Variants in PDZD4 observed in about 807,000 individuals in gnomAD.
PDZD4 encodes the protein PDZ domain containing 4.
A neutral mutation model predicts 38.5 loss-of-function variants in PDZD4; 9 were observed. That is an observed-to-expected ratio of 0.23 (90% CI 0.14 to 0.41). The LOEUF (loss-of-function observed/expected upper bound fraction) is 0.41, where lower values mean the gene tolerates loss of function less well. Ranked by LOEUF, PDZD4 falls within the 10% of genes least tolerant of loss-of-function variation. The pLI is 1.00. For missense variants in PDZD4, 612 were observed against 722.0 expected (o/e 0.85, Z 1.75); for synonymous variants, 349 against 315.7 (o/e 1.11, Z -1.12).
rs2064239772 is a variant in PDZD4, at chrX:153,805,601, G to A, written c.573C>T (p.Asn191=). Residue 191 remains asparagine (N), a synonymous_variant, in exon 6 of 8, where the codon AAC becomes AAT. Coordinates refer to ENST00000393758, the MANE Select transcript of PDZD4 (RefSeq NM_001303512.2). ...IREGDRIIQI[N]GVDVQNREEA... ...CTTCCCGGTTCTGGACGTCTACACC[G>A]TTAATCTGAGGCAGGCAGGATACAA... 7 of 1,203,082 alleles carry A rather than the reference G, an allele frequency of 5.8e-6. No homozygotes were observed. Among genetic ancestry groups the A allele is most frequent in the Admixed American group, 2.2e-5 (1 of 46,111 alleles).
chrX:153,822,663 CTCTCTT>C (rs1343693369), intron 1 of PDZD4, among the ~76,000 whole-genome samples: 3 of 107,994 alleles, frequency 2.8e-5, no homozygotes, highest in African/African-American at 1.0e-4. Flanking sequence ...CTCTCTCTCT[CTCTCTT>C]TCTCTCTGTC....
rs1557077761 is a variant in PDZD4, at chrX:153,808,142, G to A, written c.314+200C>T. Reference sequence around the variant, plus strand: ...GACAGGAGGGTCCTCCCTCGGCCCTGGGGGTAGATACAACGGGGCGCCTGC... The same window carrying A: ...GACAGGAGGGTCCTCCCTCGGCCCTAGGGGTAGATACAACGGGGCGCCTGC... On this transcript the variant is annotated intron_variant, in intron 2 of 7. Transcript: ENST00000393758. 26 of 1,074,620 alleles carry A rather than the reference G, an allele frequency of 2.4e-5. No homozygotes were observed. In the South Asian group the frequency reaches 6.3e-4, roughly 26 times the overall value. The allele number at this position is 1,074,620 out of a possible 1,213,427, so 88.6% of individuals were successfully genotyped here.
chrX:153,804,826 C>A lies in PDZD4; in HGVS notation c.855G>T (p.Gly285=). The change falls in exon 8 of 8, where the codon GGG becomes GGT. Residue 285 remains glycine (G), a synonymous_variant. Coordinates refer to ENST00000393758, the MANE Select transcript of PDZD4 (RefSeq NM_001303512.2). ...GLSNSQELDS[G]VGRTDESTRN... ...GGGTGCTCTCGTCAGTCCGGCCCAC[C>A]CCGCTGTCCAGCTCCTGGCTGTTGC... is the stretch of plus-strand genomic sequence containing the variant. 2.5e-6 allele frequency: 3 copies of A among 1,211,626 alleles called. No individual in the cohort carries two copies. The highest frequency in any genetic ancestry group is 3.3e-6 in the Non-Finnish European group (3 of 895,671).
At chrX:153,817,352 C>T (rs2064373591) in intron 1 of PDZD4, among the ~76,000 whole-genome samples, 1 of 112,172 alleles carries the variant, frequency 8.9e-6, no homozygotes, top group Admixed American at 9.4e-5. Context: ...AGCAGAGTAT[C>T]CATAGTAACC....
chrX:153,811,209 T>A (rs1451359793), intron 1 of PDZD4, among the ~76,000 whole-genome samples: 4 of 111,029 alleles, frequency 3.6e-5, no homozygotes, highest in African/African-American at 1.3e-4. Flanking sequence ...TAATCTTGGC[T>A]CACTGCAACC....
intron 1 of PDZD4, among the ~76,000 whole-genome samples, chrX:153,811,975 C>T (rs2064314500): frequency 8.9e-6 from 1 of 111,772 alleles, no homozygotes; most frequent in South Asian, 3.7e-4. Context: ...GGTATTTTAA[C>T]CGTAGAAATG....
intron 1 of PDZD4, among the ~76,000 whole-genome samples, chrX:153,826,821 C>T (rs1394094291): frequency 8.9e-6 from 1 of 111,864 alleles, no homozygotes; most frequent in Non-Finnish European, 1.9e-5. Context: ...TAAACTTAAA[C>T]AAAAGTGCAA....
intron 1 of PDZD4, among the ~76,000 whole-genome samples, chrX:153,820,663 C>T (rs1002499614): frequency 1.8e-5 from 2 of 112,186 alleles, no homozygotes; most frequent in African/African-American, 3.2e-5. Flanking sequence ...GGAATGACTT[C>T]TTGGAAGAGA....
In PDZD4 at chrX:153,803,463, T is replaced by G. The variant is rs908684186; in HGVS notation, c.2218A>C (p.Lys740Gln). 8.6e-7 allele frequency: 1 copy of G among 1,158,168 alleles called. No homozygotes were observed. Among genetic ancestry groups the G allele is most frequent in the Non-Finnish European group, 1.2e-6 (1 of 869,274 alleles). ...GTGATCCAGTTGTCCAGGATCTTCTTGTTCCGCTTCTTCATGGTTTTGCGG... is the reference window on the plus strand; with the variant it reads ...GTGATCCAGTTGTCCAGGATCTTCTGGTTCCGCTTCTTCATGGTTTTGCGG... Reference protein sequence around the residue: ...SHRKTMKKRNKKILDNWITIQ... With the variant: ...SHRKTMKKRNQKILDNWITIQ... Residue 740 changes from lysine (K) to glutamine (Q), a missense_variant, in exon 8 of 8, where the codon AAG becomes CAG. Around this residue, in one of 3 missense-constraint regions of PDZD4, gnomAD observed 87 missense variants for 126.3 expected, o/e 0.69. Transcript: ENST00000393758.
chrX:153,830,131 T>C (rs1557083434), intron 1 of PDZD4, 108 bp downstream of exon 1: 11 of 757,192 alleles, frequency 1.5e-5, no homozygotes, highest in South Asian at 3.1e-5. Context: ...CCCTACCTTG[T>C]CCTCCTCGAG....
chrX:153,807,631 G>T (rs1050861131), intron 2 of PDZD4, among the ~76,000 whole-genome samples: 1 of 89,025 alleles, frequency 1.1e-5, no homozygotes, highest in African/African-American at 3.7e-5. Context: ...CCGTCCCCCA[G>T]ACCAGAACTC....
chrX:153,826,852 A>G (rs2064487850), intron 1 of PDZD4, among the ~76,000 whole-genome samples: 1 of 112,344 alleles, frequency 8.9e-6, no homozygotes, highest in Non-Finnish European at 1.9e-5. Flanking sequence ...AAAGAAATTA[A>G]AGACCTAAAT....
In PDZD4 at chrX:153,805,191, T is replaced by A; in HGVS notation, c.686A>T (p.Lys229Met). The A allele has an allele frequency of 8.3e-7, 1 of 1,210,899 alleles. No individual in the cohort carries two copies. Among genetic ancestry groups the A allele is most frequent in the Non-Finnish European group, 1.1e-6 (1 of 894,799 alleles). ...CAGGAAGTCATCCCGGTCGCTGTCC[T>A]TCCACCTTTTCGCCAGCTGTGGAGA... ...RPESQLAKRW[K>M]DSDRDDFLDD... Residue 229 changes from lysine (K) to methionine (M), a missense_variant, in exon 7 of 8, where the codon AAG becomes ATG. Coordinates refer to ENST00000393758, the MANE Select transcript of PDZD4 (RefSeq NM_001303512.2).
chrX:153,824,626 G>A (rs999121866), intron 1 of PDZD4, among the ~76,000 whole-genome samples: 1 of 111,675 alleles, frequency 9.0e-6, no homozygotes, highest in Non-Finnish European at 1.9e-5. Flanking sequence ...CTGGCTGCCA[G>A]CCACGCTCCC....
chrX:153,803,082 A>C lies in PDZD4; in HGVS notation c.*271T>G. 3.8e-6 allele frequency: 1 copy of C among 260,121 alleles called. No individual in the cohort carries two copies. Among genetic ancestry groups the C allele is most frequent in the Non-Finnish European group, 6.8e-6 (1 of 146,222 alleles). The allele number at this position is 260,121 out of a possible 1,213,427, so 21.4% of individuals were successfully genotyped here. On this transcript the variant is annotated 3_prime_UTR_variant, in exon 8 of 8. Coordinates refer to ENST00000393758, the MANE Select transcript of PDZD4 (RefSeq NM_001303512.2). ...TGGGGGATGGGGAATGCACACGCAC[A>C]GCTGAAGGGGTGCCCATCACAGGTG...
intron 1 of PDZD4, among the ~76,000 whole-genome samples, chrX:153,812,120 T>C (rs1286148324): frequency 9.1e-6 from 1 of 110,014 alleles, no homozygotes; most frequent in Non-Finnish European, 1.9e-5. Context: ...ATGGAAATAC[T>C]ATGTGTGCAT....
At position 153,804,217 on chromosome X, in the gene PDZD4, C is replaced by G. The variant is rs782029966; in HGVS notation, c.1464G>C (p.Leu488=). 1.1e-5 allele frequency: 13 copies of G among 1,203,611 alleles called. No homozygotes were observed. The Admixed American group carries it at 2.8e-4, about 26-fold the overall frequency. ...NTGESCRSTP[L]LVEPLPESPL... ...GGCTCTCGGGCAGGGGCTCCACAAG[C>G]AGCGGGGTGCTGCGGCAGCTCTCCC... The change falls in exon 8 of 8, where the codon CTG becomes CTC. Residue 488 remains leucine (L), a synonymous_variant. Transcript: ENST00000393758.
intron 1 of PDZD4, among the ~76,000 whole-genome samples, chrX:153,814,489 C>CA (rs1406041530): frequency 1.2e-5 from 1 of 85,354 alleles, no homozygotes; most frequent in Non-Finnish European, 2.3e-5. Context: ...CACCCCCCCC[C>CA]CAAAAAAAAG....
intron 4 of PDZD4, among the ~76,000 whole-genome samples, chrX:153,806,515 G>C (rs1046073450): frequency 8.9e-6 from 1 of 112,869 alleles, no homozygotes; most frequent in Non-Finnish European, 1.9e-5. Flanking sequence ...CAGCAACCCT[G>C]TTGCTAGTTC....
Sources: gnomAD v4.1 joint callset for allele counts (sites outside exome capture counted in the v4.1 genomes callset) on GRCh38, gnomAD v4.1.1 for gene constraint, gnomAD v4.1.1 regional missense constraint, MANE v1.5 for transcripts, NCBI Gene and HGNC (gene_info 2026-07-23, HGNC 2026-07-21) for gene names.